The following LINGO2 variants were observed in gnomAD, a reference collection of about 807,000 sequenced individuals.
The protein encoded by LINGO2 is leucine-rich repeat and immunoglobulin-like domain-containing nogo receptor-interacting protein 2.
Under a neutral mutation model 30.6 loss-of-function variants are expected in LINGO2, and 14 were observed. The ratio of observed to expected loss-of-function variants is 0.46; its 90% confidence interval spans 0.30 to 0.72. The LOEUF (loss-of-function observed/expected upper bound fraction) is 0.72, where lower values mean the gene tolerates loss of function less well. Among genes scored for constraint, LINGO2 ranks in the 30% least tolerant of loss-of-function variants. LINGO2 has a pLI of 0.07. For synonymous variants in LINGO2, 317 were observed against 288.5 expected, an observed-to-expected ratio of 1.10 and a Z score of -1.00; for missense variants, 729 against 751.7, an observed-to-expected ratio of 0.97 and a Z score of 0.35.
At chr9:28,691,562 T>C in the LINGO2 span, among the ~76,000 whole-genome samples, 4 of 150,786 alleles carry the variant, frequency 2.7e-5, no homozygotes, top group Non-Finnish European at 5.9e-5. Context: ...CTCTATTGCA[T>C]CCTTAAGAAA....
At chr9:28,948,099 T>A in the LINGO2 span, among the ~76,000 whole-genome samples, 1 of 152,190 alleles carries the variant, frequency 6.6e-6, no homozygotes, top group East Asian at 1.9e-4. Context: ...TGCTTGCATT[T>A]TCAGGTAATG....
the LINGO2 span, among the ~76,000 whole-genome samples, chr9:28,985,343 T>C: frequency 5.9e-5 from 9 of 152,102 alleles, no homozygotes. Flanking sequence ...TGCAGACACC[T>C]CCGACAAACT....
intron 1 of LINGO2, among the ~76,000 whole-genome samples, chr9:28,490,282 A>G (rs1023952120): frequency 8.5e-5 from 13 of 152,206 alleles, no homozygotes; most frequent in African/African-American, 2.9e-4. Flanking sequence ...AGGCTTAGAA[A>G]TATTGAATAA....
At chr9:28,283,262 A>C (rs1268144991) in intron 4 of LINGO2, among the ~76,000 whole-genome samples, 1 of 152,220 alleles carries the variant, frequency 6.6e-6, no homozygotes, top group Non-Finnish European at 1.5e-5. Context: ...GCCAAGAATT[A>C]TACACGAAGT....
chr9:29,136,139 T>C, the LINGO2 span, among the ~76,000 whole-genome samples: 1 of 152,160 alleles, frequency 6.6e-6, no homozygotes, highest in Non-Finnish European at 1.5e-5. Flanking sequence ...CTTGTCCCAA[T>C]TTCAAGTAAA....
At chr9:28,776,860 A>G in the LINGO2 span, among the ~76,000 whole-genome samples, 2 of 151,880 alleles carry the variant, frequency 1.3e-5, no homozygotes, top group East Asian at 3.9e-4. Context: ...CTTGTCAGAC[A>G]GAAGTTACTC....
At chr9:28,999,446 T>C in the LINGO2 span, among the ~76,000 whole-genome samples, 26 of 152,252 alleles carry the variant, frequency 1.7e-4, no homozygotes, top group African/African-American at 6.3e-4. Context: ...GACTTATTTC[T>C]GTATATATCT....
intron 1 of LINGO2, among the ~76,000 whole-genome samples, chr9:28,624,344 T>C (rs111301274): frequency 1.3e-5 from 2 of 152,020 alleles, no homozygotes; most frequent in African/African-American, 2.4e-5. Context: ...TTGGGGTGTG[T>C]TTTTTCTATA....
At chr9:28,411,281 A>G (rs945294957) in intron 2 of LINGO2, among the ~76,000 whole-genome samples, 4 of 152,066 alleles carry the variant, frequency 2.6e-5, no homozygotes, top group Admixed American at 6.6e-5. Context: ...TTCAAAATCT[A>G]TCAAGTTTTC....
intron 4 of LINGO2, among the ~76,000 whole-genome samples, chr9:28,108,857 C>A (rs1826677967): frequency 6.6e-6 from 1 of 152,068 alleles, no homozygotes; most frequent in African/African-American, 2.4e-5. Flanking sequence ...AAAGGTATAA[C>A]AATGTGCTGA....
chr9:28,568,109 A>G (rs1823483603), intron 1 of LINGO2, among the ~76,000 whole-genome samples: 2 of 152,164 alleles, frequency 1.3e-5, no homozygotes, highest in Admixed American at 6.5e-5. Flanking sequence ...ATCTCCCCAC[A>G]GTGAACAAAT....
At chr9:28,897,374 T>G in the LINGO2 span, among the ~76,000 whole-genome samples, 1 of 151,148 alleles carries the variant, frequency 6.6e-6, no homozygotes, top group African/African-American at 2.4e-5. Flanking sequence ...GATAGGCACA[T>G]AGAAATCTAC....
At chr9:28,912,148 T>A in the LINGO2 span, among the ~76,000 whole-genome samples, 1 of 152,160 alleles carries the variant, frequency 6.6e-6, no homozygotes, top group African/African-American at 2.4e-5. Context: ...TCATGTATGC[T>A]CTTTTAACTC....
At chr9:28,666,738 C>A (rs559694297) in intron 1 of LINGO2, among the ~76,000 whole-genome samples, 12 of 152,064 alleles carry the variant, frequency 7.9e-5, no homozygotes, top group African/African-American at 2.9e-4. Flanking sequence ...GAGACATATC[C>A]AGAAAGTAGA....
the LINGO2 span, among the ~76,000 whole-genome samples, chr9:29,103,913 G>C: frequency 6.6e-6 from 1 of 152,160 alleles, no homozygotes; most frequent in Non-Finnish European, 1.5e-5. Flanking sequence ...TTTAATAGCT[G>C]CGCCTCATGA....
the LINGO2 span, among the ~76,000 whole-genome samples, chr9:28,719,361 A>G: frequency 2.6e-5 from 4 of 151,984 alleles, no homozygotes; most frequent in East Asian, 5.8e-4. Flanking sequence ...GACTGCTTTG[A>G]ACATTTGTTA....
At chr9:27,960,967 C>G (rs1329598905) in intron 5 of LINGO2, among the ~76,000 whole-genome samples, 1 of 151,960 alleles carries the variant, frequency 6.6e-6, no homozygotes, top group Admixed American at 6.6e-5. Context: ...TATAGATGGT[C>G]TCCAATTTAT....
the LINGO2 span, among the ~76,000 whole-genome samples, chr9:28,974,785 G>C: frequency 3.9e-5 from 6 of 151,956 alleles, no homozygotes; most frequent in South Asian, 1.2e-3. Flanking sequence ...CTCATATCTA[G>C]CCTTCTACTT....
the LINGO2 span, among the ~76,000 whole-genome samples, chr9:29,136,099 GCT>G: frequency 6.6e-6 from 1 of 152,008 alleles, no homozygotes; most frequent in Admixed American, 6.6e-5. Flanking sequence ...CCCCATTCTG[GCT>G]GACACTTTCT....
Sources: gnomAD v4.1 joint callset for allele counts (sites outside exome capture counted in the v4.1 genomes callset) on GRCh38, gnomAD v4.1.1 for gene constraint, MANE v1.5 for transcripts, NCBI Gene and HGNC (gene_info 2026-07-23, HGNC 2026-07-21) for gene names.